EPCAM: variants seen among roughly 807,000 people sequenced by gnomAD.
EPCAM encodes the protein epithelial cell adhesion molecule.
In EPCAM, 39 loss-of-function variants were observed where a neutral mutation model predicts 40.0. That is an observed-to-expected ratio of 0.98 (90% CI 0.76 to 1.27). The LOEUF (loss-of-function observed/expected upper bound fraction) is 1.27, where lower values mean the gene tolerates loss of function less well. Among genes scored for constraint, EPCAM ranks in the 50% most tolerant of loss-of-function variants. The probability of loss-of-function intolerance (pLI) is 0.00; values close to 1 mark genes in which losing one functional copy is unlikely to be tolerated. For missense variants in EPCAM, 503 were observed against 381.2 expected (o/e 1.32, Z -2.66); for synonymous variants, 168 against 132.3 (o/e 1.27, Z -1.85).
At chr2:47,378,098 G>GCT (rs1558437541) in intron 5 of EPCAM, among the ~76,000 whole-genome samples, 6 of 152,038 alleles carry the variant, frequency 3.9e-5, no homozygotes, top group African/African-American at 1.4e-4. Flanking sequence ...GAATGTGGTG[G>GCT]TGGGCACCTG....
At chr2:47,371,829 A>T (rs1284557053) in intron 1 of EPCAM, among the ~76,000 whole-genome samples, 2 of 152,210 alleles carry the variant, frequency 1.3e-5, no homozygotes, top group African/African-American at 4.8e-5. Flanking sequence ...AAGGTGGTTC[A>T]TATCGACTAT....
chr2:47,373,221 A>AAAC (rs1671324679), intron 1 of EPCAM, among the ~76,000 whole-genome samples: 1 of 149,254 alleles, frequency 6.7e-6, no homozygotes, highest in African/African-American at 2.5e-5. Flanking sequence ...AAAAAAAAAA[A>AAAC]AAAAAAAAAA....
intron 1 of EPCAM, among the ~76,000 whole-genome samples, chr2:47,371,481 C>G (rs1458181362): frequency 2.0e-5 from 3 of 152,190 alleles, no homozygotes; most frequent in Non-Finnish European, 4.4e-5. Context: ...TGCCAAAGGT[C>G]TCTGGAAGGG....
intron 6 of EPCAM, among the ~76,000 whole-genome samples, 179 bp from the exon 7 acceptor site, chr2:47,379,590 A>T (rs1306719794): frequency 6.6e-6 from 1 of 152,210 alleles, no homozygotes; most frequent in East Asian, 1.9e-4. Context: ...ACTTTCGTGT[A>T]TGTTGAAAGG....
rs779741119 is a variant in EPCAM, at chr2:47,386,604, C to G, written c.936C>G (p.Leu312=). The change falls in exon 9 of 9, where the codon CTC becomes CTG. Residue 312 remains leucine, a synonymous_variant. Transcript: ENST00000263735. ...AGATGGGTGAGATGCATAGGGAACT[C>G]AATGCATAACTATATAATTTGAAGA... ...IKEMGEMHRE[L]NA 1.9e-6 allele frequency: 3 copies of G among 1,602,796 alleles called. No individual in the cohort carries two copies. Among genetic ancestry groups the G allele is most frequent in the Non-Finnish European group, 2.6e-6 (3 of 1,170,958 alleles).
chr2:47,369,782 G>A (rs1274427440), intron 1 of EPCAM: 1 of 699,844 alleles, frequency 1.4e-6, no homozygotes, highest in East Asian at 2.8e-5. Flanking sequence ...CCGGGGAGCA[G>A]CCTCACTTCG....
intron 1 of EPCAM, 31 bp from the exon 2 acceptor site, chr2:47,373,432 T>C: frequency 1.4e-6 from 2 of 1,413,604 alleles, no homozygotes; most frequent in Non-Finnish European, 2.0e-6. Flanking sequence ...AGATCCACAT[T>C]TTAAAGTAGA....
At chr2:47,370,701 C>T (rs1671238162) in intron 1 of EPCAM, among the ~76,000 whole-genome samples, 1 of 151,820 alleles carries the variant, frequency 6.6e-6, no homozygotes, top group Non-Finnish European at 1.5e-5. Flanking sequence ...GCCTTTATGC[C>T]TGGCTAATTT....
chr2:47,381,976 G>A (rs1322176265), intron 7 of EPCAM, among the ~76,000 whole-genome samples: 2 of 152,042 alleles, frequency 1.3e-5, no homozygotes, highest in South Asian at 2.1e-4. Context: ...TATGGCTGCC[G>A]AGGCTGGGCT....
chr2:47,373,325 AAAAT>A (rs1671330559), intron 1 of EPCAM, 134 bp from the exon 2 acceptor site: 1 of 663,540 alleles, frequency 1.5e-6, no homozygotes, highest in Admixed American at 2.5e-5. Context: ...CTATAGCTGA[AAAAT>A]AAAACATTCA....
chr2:47,369,491 C>A lies in EPCAM; in HGVS notation c.-15C>A, dbSNP rs760681394. On this transcript the variant is annotated 5_prime_UTR_variant, in exon 1 of 9. Coordinates refer to ENST00000263735, the MANE Select transcript of EPCAM (RefSeq NM_002354.3). ...CGGGCCCCTCCCGCGCCCCTCTTCT[C>A]GGCGCGCGCGCAGCATGGCGCCCCC... 7.2e-6 allele frequency: 11 copies of A among 1,526,606 alleles called. No individual in the cohort carries two copies. The highest frequency in any genetic ancestry group is 9.6e-6 in the Non-Finnish European group (11 of 1,141,606). 94.6% of individuals were successfully genotyped at this position (1,526,606 alleles called of 1,614,324 possible).
intron 7 of EPCAM, among the ~76,000 whole-genome samples, chr2:47,381,694 G>A (rs1242648305): frequency 6.6e-6 from 1 of 152,152 alleles, no homozygotes; most frequent in Non-Finnish European, 1.5e-5. Flanking sequence ...TTGAGGGAAT[G>A]TTTGTACAAC....
rs2103753463 is a variant in EPCAM, at chr2:47,377,065, C to G, written c.543C>G (p.Ile181Met). The G allele has an allele frequency of 1.2e-6, 2 of 1,603,156 alleles. No individual in the cohort carries two copies. Among genetic ancestry groups the G allele is most frequent in the South Asian group, 2.2e-5 (2 of 90,884 alleles). ...TTRYQLDPKF[I>M]TSILYENNVI... The stretch of plus-strand genomic sequence containing the variant: ...GTTATCAACTGGATCCAAAATTTAT[C>G]ACGAGTATTTTGGTATGATTTTTTA... Residue 181 changes from isoleucine (I) to methionine (M), a missense_variant, in exon 5 of 9, where the codon ATC (isoleucine) becomes ATG (methionine). By Grantham distance (10) the Ile-to-Met change is conservative (BLOSUM62 1). Coordinates refer to ENST00000263735, the MANE Select transcript of EPCAM (RefSeq NM_002354.3).
chr2:47,383,942 T>C (rs1039137359), intron 7 of EPCAM, among the ~76,000 whole-genome samples: 8 of 151,878 alleles, frequency 5.3e-5, no homozygotes, highest in African/African-American at 1.7e-4. Flanking sequence ...TGGCCTAAAC[T>C]GTTAAATTTC....
Position 47,378,502 on chromosome 2 carries a change from A to G in EPCAM, c.556-451A>G, listed in dbSNP as rs371752644. Among the ~76,000 whole-genome samples, 6 of 151,830 alleles carry G rather than the reference A, an allele frequency of 4.0e-5. No homozygotes were observed. The East Asian group carries it at 9.7e-4, about 25-fold the overall frequency. ...TTTTTAGTAGAGATGGGGTTTCTCC[A>G]TGTTGGTCAGGCTGGTCTTGAACTC... On this transcript the variant is annotated intron_variant, in intron 5 of 8. Coordinates refer to ENST00000263735, the MANE Select transcript of EPCAM (RefSeq NM_002354.3).
intron 4 of EPCAM, among the ~76,000 whole-genome samples, chr2:47,376,000 G>C (rs576970864): frequency 2.6e-5 from 4 of 151,970 alleles, no homozygotes; most frequent in African/African-American, 4.8e-5. Flanking sequence ...TTCCGCGCCC[G>C]GCCAGGAAAT....
intron 7 of EPCAM, among the ~76,000 whole-genome samples, chr2:47,381,690 G>C (rs768587382): frequency 3.3e-5 from 5 of 152,110 alleles, no homozygotes; most frequent in Admixed American, 1.3e-4. Flanking sequence ...TTAATTGAGG[G>C]AATGTTTGTA....
rs923766620 is a variant in EPCAM, at chr2:47,386,903, T to A, written c.*290T>A. On this transcript the variant is annotated 3_prime_UTR_variant, in exon 9 of 9. Transcript: ENST00000263735. Reference sequence around the variant, plus strand: ...AACATTCAAATGTGTGCATTAAATATGCTTCCACAGTAAAATCTGAAAAAC... The same window carrying A: ...AACATTCAAATGTGTGCATTAAATAAGCTTCCACAGTAAAATCTGAAAAAC... 3.4e-5 allele frequency: 10 copies of A among 290,810 alleles called. No individual in the cohort carries two copies. The Admixed American group carries it at 4.3e-4, about 13-fold the overall frequency. The allele number at this position is 290,810 out of a possible 1,614,324, so 18.0% of individuals were successfully genotyped here.
chr2:47,373,099 G>A (rs906503566), intron 1 of EPCAM, among the ~76,000 whole-genome samples: 3 of 151,580 alleles, frequency 2.0e-5, no homozygotes, highest in Non-Finnish European at 4.4e-5. Flanking sequence ...CAGCTACTTG[G>A]GAGGCTGAGA....
Sources: gnomAD v4.1 joint callset for allele counts (sites outside exome capture counted in the v4.1 genomes callset) on GRCh38, gnomAD v4.1.1 for gene constraint, MANE v1.5 for transcripts, NCBI Gene and HGNC (gene_info 2026-07-23, HGNC 2026-07-21) for gene names.